The following PCNX1 variants were observed in gnomAD, a reference collection of about 807,000 sequenced individuals.
PCNX1 encodes pecanex-like protein 1.
A neutral mutation model predicts 242.2 loss-of-function variants in PCNX1; 78 were observed. That is an observed-to-expected ratio of 0.32 (90% CI 0.27 to 0.39). The LOEUF (loss-of-function observed/expected upper bound fraction) is 0.39, where lower values mean the gene tolerates loss of function less well. Among genes scored for constraint, PCNX1 ranks in the 10% least tolerant of loss-of-function variants. The pLI is 1.00. For missense variants in PCNX1, 2,581 were observed against 2,856.5 expected (o/e 0.90, Z 2.20); for synonymous variants, 1,024 against 1,032.9 (o/e 0.99, Z 0.17).
intron 7 of PCNX1, 26 bp from the exon 8 acceptor site, chr14:70,995,715 T>A: frequency 6.2e-7 from 1 of 1,603,300 alleles, no homozygotes; most frequent in Non-Finnish European, 8.5e-7. Flanking sequence ...CCCTGTAATG[T>A]CTCCCCAATC....
chr14:71,053,443 G>C (rs374685070), intron 24 of PCNX1: 1 of 356,922 alleles, frequency 2.8e-6, no homozygotes. Context: ...TCAGCCTCCC[G>C]AGTAGCTGGG....
At chr14:71,068,003 TA>T (rs1202799718) in intron 26 of PCNX1, among the ~76,000 whole-genome samples, 1 of 152,034 alleles carries the variant, frequency 6.6e-6, no homozygotes, top group Non-Finnish European at 1.5e-5. Context: ...TCCAAGCTTT[TA>T]AAAAACTAAT....
At chr14:71,046,773 A>G (rs2060872103) in intron 20 of PCNX1, among the ~76,000 whole-genome samples, 191 bp from the exon 21 acceptor site, 1 of 152,118 alleles carries the variant, frequency 6.6e-6, no homozygotes, top group South Asian at 2.1e-4. Context: ...TAAATGTTAA[A>G]TCATGTCTAA....
rs749665413 is a variant in PCNX1 at position 70,977,450 on chromosome 14, G to T, written c.1113G>T (p.Leu371Phe). 1.5e-5 allele frequency: 25 copies of T among 1,614,094 alleles called. No homozygotes were observed. The East Asian group carries it at 4.9e-4, about 32-fold the overall frequency. Residue 371 changes from leucine to phenylalanine, a missense_variant, in exon 6 of 36, where the codon TTG (leucine) becomes TTT (phenylalanine). Coordinates refer to ENST00000304743, the MANE Select transcript of PCNX1 (RefSeq NM_014982.3). Reference sequence around the variant, plus strand: ...AAGCAGAGAAAAGCATGGACAGCTTGAGGAGCCTGAGCACACGGAGTAGTG... The same window carrying T: ...AAGCAGAGAAAAGCATGGACAGCTTTAGGAGCCTGAGCACACGGAGTAGTG... ...PLKAEKSMDS[L>F]RSLSTRSSGS...
Position 71,062,476 on chromosome 14 carries a change from A to T in PCNX1, c.4852+4752A>T, listed in dbSNP as rs144840810. Among the ~76,000 whole-genome samples the T allele has an allele frequency of 8.5e-3, 1,297 of 151,970 alleles. 21 individuals are homozygous for T. The highest frequency in any genetic ancestry group is 0.03 in the African/African-American group (1,251 of 41,580). On this transcript the variant is annotated intron_variant, in intron 26 of 35. Transcript: ENST00000304743. ...TAAAACATTTTAAAATGTTTAAAAA[A>T]TTTTTTAACAAAAAAGTTTAAAAAT...
At chr14:70,986,458 T>C (rs2059005169) in intron 6 of PCNX1, among the ~76,000 whole-genome samples, 1 of 152,184 alleles carries the variant, frequency 6.6e-6, no homozygotes, top group South Asian at 2.1e-4. Flanking sequence ...AAAAAAATTG[T>C]TTTCTTAAGA....
chr14:71,110,403 A>G lies in PCNX1; in HGVS notation c.*468A>G, dbSNP rs755510420. 9.9e-6 allele frequency: 2 copies of G among 201,148 alleles called. No individual in the cohort carries two copies. The highest frequency in any genetic ancestry group is 2.1e-5 in the Non-Finnish European group (2 of 96,618). The allele number at this position is 201,148 out of a possible 1,614,324, so 12.5% of individuals were successfully genotyped here. ...GTTCCTTTTGACTTATAGCAGTATA[A>G]AAGTTTAATGTACAGTGAAAGAGAC... On this transcript the variant is annotated 3_prime_UTR_variant, in exon 36 of 36. Coordinates refer to ENST00000304743, the MANE Select transcript of PCNX1 (RefSeq NM_014982.3).
At position 71,114,626 on chromosome 14, in the gene PCNX1, C is replaced by T. The variant is rs2141955155; in HGVS notation, c.*4691C>T. The T allele has an allele frequency of 6.5e-6, 1 of 152,716 alleles. No homozygotes were observed. Among genetic ancestry groups the T allele is most frequent in the African/African-American group, 2.4e-5 (1 of 41,558 alleles). 9.5% of individuals were successfully genotyped at this position (152,716 alleles called of 1,614,324 possible). ...GTGGAACTAGAGCTGATTGTCACCACAAGGTTATATGACAACTCTGTTCTA... is the reference window on the plus strand; with the variant it reads ...GTGGAACTAGAGCTGATTGTCACCATAAGGTTATATGACAACTCTGTTCTA... On this transcript the variant is annotated 3_prime_UTR_variant, in exon 36 of 36. Transcript: ENST00000304743.
chr14:70,996,239 T>A (rs961552436), intron 8 of PCNX1, among the ~76,000 whole-genome samples: 9 of 151,826 alleles, frequency 5.9e-5, no homozygotes, highest in East Asian at 1.9e-4. Flanking sequence ...GTTGACTTTT[T>A]TAAAAAAAAA....
intron 26 of PCNX1, among the ~76,000 whole-genome samples, chr14:71,061,277 A>G (rs2061319350): frequency 6.6e-6 from 1 of 152,194 alleles, no homozygotes; most frequent in African/African-American, 2.4e-5. Context: ...ACACACTGCC[A>G]GTGTATTGCA....
chr14:71,036,872 C>G lies in PCNX1; in HGVS notation c.3867+715C>G, dbSNP rs569786086. Among the ~76,000 whole-genome samples, 665 of 152,146 alleles carry G rather than the reference C, an allele frequency of 4.4e-3. 4 individuals are homozygous for G. The highest frequency in any genetic ancestry group is 6.0e-3 in the Non-Finnish European group (409 of 68,000). ...GGATGGCATTGAATCTGTAAATTAC[C>G]TTGGGCAGTATGGCCATTTTCACGA... On this transcript the variant is annotated intron_variant, in intron 19 of 35. Coordinates refer to ENST00000304743, the MANE Select transcript of PCNX1 (RefSeq NM_014982.3).
chr14:71,020,620 GTTGT>G (rs753165937), intron 12 of PCNX1, among the ~76,000 whole-genome samples: 10 of 152,132 alleles, frequency 6.6e-5, no homozygotes, highest in Non-Finnish European at 1.0e-4. Context: ...TTTGGATGGG[GTTGT>G]TTGTTTTTTT....
chr14:71,061,900 G>C (rs1419518489), intron 26 of PCNX1, among the ~76,000 whole-genome samples: 1 of 152,126 alleles, frequency 6.6e-6, no homozygotes, highest in Non-Finnish European at 1.5e-5. Flanking sequence ...GAACAGGCCA[G>C]AGAAAGGGAA....
At chr14:71,091,091 G>T (rs1037161432) in intron 30 of PCNX1, among the ~76,000 whole-genome samples, 6 of 152,192 alleles carry the variant, frequency 3.9e-5, no homozygotes, top group African/African-American at 1.2e-4. Flanking sequence ...AAGCCATGGA[G>T]GGCTGAGGGG....
chr14:70,952,573 T>C (rs1169790940), intron 2 of PCNX1, among the ~76,000 whole-genome samples: 1 of 150,084 alleles, frequency 6.7e-6, no homozygotes, highest in African/African-American at 2.5e-5. Flanking sequence ...TGCATTTCTC[T>C]ATGAGAGATT....
chr14:71,018,919 C>A, intron 11 of PCNX1, 90 bp from the exon 12 acceptor site: 1 of 1,117,010 alleles, frequency 9.0e-7, no homozygotes, highest in Non-Finnish European at 1.3e-6. Flanking sequence ...ATACCATGAA[C>A]TTCATATTTA....
At chr14:70,988,538 T>C (rs1566664194) in intron 6 of PCNX1, 29 bp from the exon 7 acceptor site, 2 of 1,607,032 alleles carry the variant, frequency 1.2e-6, no homozygotes, top group African/African-American at 1.3e-5. Flanking sequence ...ACCTAGGCTC[T>C]TGTTTGACCT....
chr14:71,030,653 T>C (rs1315818513), intron 16 of PCNX1, among the ~76,000 whole-genome samples: 1 of 152,212 alleles, frequency 6.6e-6, no homozygotes, highest in African/African-American at 2.4e-5. Context: ...TTTTAAATCT[T>C]GATGACAGCC....
intron 28 of PCNX1, among the ~76,000 whole-genome samples, chr14:71,082,019 ACT>A (rs754898835): frequency 3.9e-5 from 6 of 152,090 alleles, no homozygotes; most frequent in Admixed American, 6.5e-5. Context: ...CTCTCTAAAC[ACT>A]GTTTTAGCTG....
Sources: gnomAD v4.1 joint callset for allele counts (sites outside exome capture counted in the v4.1 genomes callset) on GRCh38, gnomAD v4.1.1 for gene constraint, MANE v1.5 for transcripts, NCBI Gene and HGNC (gene_info 2026-07-23, HGNC 2026-07-21) for gene names.